Variants in PRKCH observed in about 807,000 individuals in gnomAD.
PRKCH encodes the protein protein kinase C eta type.
Under a neutral mutation model 82.5 loss-of-function variants are expected in PRKCH, and 28 were observed. The observed-to-expected ratio is 0.34, with a 90% CI of 0.25 to 0.47. The LOEUF (loss-of-function observed/expected upper bound fraction) is 0.47. PRKCH is among the 20% of genes least tolerant of loss of function. The pLI is 1.00. For synonymous variants in PRKCH, 322 were observed against 327.4 expected, an observed-to-expected ratio of 0.98 and a Z score of 0.18; for missense variants, 705 against 881.8, an observed-to-expected ratio of 0.80 and a Z score of 2.54.
intron 9 of PRKCH, among the ~76,000 whole-genome samples, chr14:61,465,757 G>A (rs1372446070): frequency 6.6e-6 from 1 of 152,052 alleles, no homozygotes; most frequent in Non-Finnish European, 1.5e-5. Context: ...TTAGCAATGG[G>A]GGTACACTTC....
chr14:61,495,890 G>A (rs1556720), intron 10 of PRKCH, among the ~76,000 whole-genome samples: 143,690 of 152,282 alleles, frequency 0.94, 68,308 homozygotes, highest in East Asian at 1. Flanking sequence ...AAACTTGGTA[G>A]GAGCAATATA....
chr14:61,394,648 C>G (rs1307766627), intron 2 of PRKCH, among the ~76,000 whole-genome samples: 1 of 152,182 alleles, frequency 6.6e-6, no homozygotes, highest in South Asian at 2.1e-4. Context: ...TGCCAACTCT[C>G]TAGGACTAAA....
intron 13 of PRKCH, among the ~76,000 whole-genome samples, 176 bp downstream of exon 13, chr14:61,548,062 AT>A (rs1327466637): frequency 2.0e-5 from 3 of 152,166 alleles, no homozygotes; most frequent in East Asian, 3.9e-4. Context: ...TGGGACAACA[AT>A]GTCTTCATGT....
intron 1 of PRKCH, among the ~76,000 whole-genome samples, chr14:61,195,123 T>C (rs892801403): frequency 6.6e-6 from 1 of 152,238 alleles, no homozygotes; most frequent in Admixed American, 6.5e-5. Flanking sequence ...GGTATTACCA[T>C]GTTTCCATTT....
chr14:61,426,172 AG>A (rs1204391182), intron 2 of PRKCH, among the ~76,000 whole-genome samples: 10 of 152,186 alleles, frequency 6.6e-5, no homozygotes, highest in African/African-American at 2.4e-4. Context: ...TTTGACTTCC[AG>A]GTCTGTGGGA....
intron 12 of PRKCH, chr14:61,544,052 C>T (rs12590894): frequency 0.026 from 3,928 of 152,436 alleles, 118 homozygotes; most frequent in Admixed American, 0.096. Flanking sequence ...CCCTCCTTCT[C>T]CCGGTCCTGG....
intron 1 of PRKCH, among the ~76,000 whole-genome samples, chr14:61,325,213 G>A (rs1251084784): frequency 6.6e-6 from 1 of 152,184 alleles, no homozygotes; most frequent in East Asian, 1.9e-4. Context: ...CTGATTTCAA[G>A]GCTAACTGTA....
intron 1 of PRKCH, among the ~76,000 whole-genome samples, chr14:61,234,999 T>C (rs1254192252): frequency 6.6e-6 from 1 of 152,226 alleles, no homozygotes; most frequent in Non-Finnish European, 1.5e-5. Flanking sequence ...TCTGCACTGC[T>C]GCATGACCCC....
intron 1 of PRKCH, among the ~76,000 whole-genome samples, chr14:61,293,875 T>G (rs1014403866): frequency 6.6e-6 from 1 of 152,194 alleles, no homozygotes; most frequent in Admixed American, 6.5e-5. Context: ...TTAACAGAGC[T>G]GATAACCAAG....
At chr14:61,360,926 T>C (rs182845356) in intron 1 of PRKCH, 1 of 152,338 alleles carries the variant, frequency 6.6e-6, no homozygotes, top group Non-Finnish European at 1.5e-5. Context: ...TCAGGGGTGA[T>C]GGACTTCTGC....
chr14:61,466,759 C>T (rs912616), intron 9 of PRKCH, among the ~76,000 whole-genome samples: 134,386 of 152,084 alleles, frequency 0.88, 60,952 homozygotes, highest in Non-Finnish European at 0.99. Context: ...TCAGGTGGGC[C>T]ACAGGACGCT....
At chr14:61,519,301 GAATGAATGAATGAATGAATA>G (rs1015037418) in intron 10 of PRKCH, among the ~76,000 whole-genome samples, 5 of 143,590 alleles carry the variant, frequency 3.5e-5, no homozygotes, top group African/African-American at 1.5e-4. Context: ...ATGAATGAAT[GAATGAATGAATGAATGAATA>G]AATAAAATTT....
At chr14:61,237,985 G>A (rs1021011593) in intron 1 of PRKCH, among the ~76,000 whole-genome samples, 2 of 152,228 alleles carry the variant, frequency 1.3e-5, no homozygotes, top group African/African-American at 4.8e-5. Flanking sequence ...TTTAAACAAG[G>A]CTTGAAGAGT....
intron 2 of PRKCH, among the ~76,000 whole-genome samples, chr14:61,440,274 G>A (rs530941509): frequency 3.9e-5 from 6 of 152,168 alleles, no homozygotes; most frequent in African/African-American, 9.7e-5. Context: ...TTGTTCTTCC[G>A]CAGTCCTTAG....
intron 2 of PRKCH, among the ~76,000 whole-genome samples, chr14:61,429,686 G>T (rs545024383): frequency 1.3e-5 from 2 of 151,988 alleles, no homozygotes; most frequent in Non-Finnish European, 1.5e-5. Context: ...TTCTAAAGAC[G>T]CCAGGAAAAT....
At position 61,316,157 on chromosome 14, in the gene PRKCH, C is replaced by T. The variant is rs1367579665; in HGVS notation, c.-19+128489C>T. ...ACTCAGCCATTCCAATATGGCTGAA[C>T]TGGTTCTTTAGGCATAGAACTCATT... On this transcript the variant is annotated intron_variant, in intron 1 of 3. Transcript: ENST00000555185. Among the ~76,000 whole-genome samples, 15 of 152,252 alleles carry T rather than the reference C, an allele frequency of 9.9e-5. No homozygotes were observed. In the East Asian group the frequency reaches 1.9e-3, roughly 20 times the overall value.
intron 2 of PRKCH, among the ~76,000 whole-genome samples, chr14:61,418,258 TTCAG>T (rs1350702459): frequency 6.6e-6 from 1 of 152,230 alleles, no homozygotes; most frequent in African/African-American, 2.4e-5. Flanking sequence ...AGCTCATTCA[TTCAG>T]TATTAAGTCC....
intron 1 of PRKCH, among the ~76,000 whole-genome samples, chr14:61,370,943 G>A (rs1197910300): frequency 1.3e-5 from 2 of 152,060 alleles, no homozygotes; most frequent in Non-Finnish European, 2.9e-5. Context: ...AGTTGGGACA[G>A]GGGATGACTT....
chr14:61,275,962 G>A (rs746482725), intron 1 of PRKCH, among the ~76,000 whole-genome samples: 27 of 152,268 alleles, frequency 1.8e-4, no homozygotes, highest in Non-Finnish European at 3.7e-4. Context: ...AAAGCAGTGG[G>A]GACGCATTTT....
Sources: gnomAD v4.1 joint callset for allele counts (sites outside exome capture counted in the v4.1 genomes callset) on GRCh38, gnomAD v4.1.1 for gene constraint, MANE v1.5 for transcripts, NCBI Gene and HGNC (gene_info 2026-07-23, HGNC 2026-07-21) for gene names.